The following EGFR variants were observed in gnomAD, a reference collection of about 807,000 sequenced individuals.
The protein encoded by EGFR is avian erythroblastic leukemia viral (v-erb-b) oncogene homolog.
A neutral mutation model predicts 143.0 loss-of-function variants in EGFR; 58 were observed. The ratio of observed to expected loss-of-function variants is 0.41; its 90% CI spans 0.33 to 0.50. The LOEUF is 0.50. EGFR is among the 20% of genes least tolerant of loss of function. The probability of loss-of-function intolerance (pLI) is 0.39; values close to 1 mark genes in which losing one functional copy is unlikely to be tolerated. For synonymous variants in EGFR, 613 were observed against 594.4 expected (o/e 1.03, Z -0.45); for missense variants, 1,307 against 1,579.0 (o/e 0.83, Z 2.92).
intron 20 of EGFR, among the ~76,000 whole-genome samples, chr7:55,188,182 C>A (rs548004566): frequency 6.6e-6 from 1 of 152,332 alleles, no homozygotes; most frequent in Non-Finnish European, 1.5e-5. Context: ...TCCACTCCAC[C>A]AGAACCACGC....
intron 1 of EGFR, among the ~76,000 whole-genome samples, chr7:55,136,274 A>G (rs562415233): frequency 2.0e-5 from 3 of 152,314 alleles, no homozygotes; most frequent in Admixed American, 6.5e-5. Context: ...AGAAAGCGGG[A>G]AAAAAATCCT....
intron 1 of EGFR, among the ~76,000 whole-genome samples, chr7:55,039,578 C>G (rs1314270398): frequency 6.6e-6 from 1 of 152,142 alleles, no homozygotes. Flanking sequence ...AGGGAGAGCT[C>G]CTCCATGGCT....
chr7:55,107,250 ATAG>A (rs1368215626), intron 1 of EGFR, among the ~76,000 whole-genome samples: 1 of 151,920 alleles, frequency 6.6e-6, no homozygotes, highest in Non-Finnish European at 1.5e-5. Flanking sequence ...TTTCTTCCTG[ATAG>A]TAGGTGTGTA....
Position 55,165,258 on chromosome 7 carries a change from A to G in EGFR, c.1723-22A>G, listed in dbSNP as rs1207430276. ...AGAAAAGAAAGAGACATGCATGAAC[A>G]TTTTTCTCCACCTTGGTGCAGGGAC... On this transcript the variant is annotated intron_variant, in intron 14 of 27. Transcript: ENST00000275493. 6 of 1,613,796 alleles carry G rather than the reference A, an allele frequency of 3.7e-6. No homozygotes were observed. In the East Asian group the frequency reaches 6.7e-5, roughly 18 times the overall value.
At chr7:55,114,433 C>A (rs1249377486) in intron 1 of EGFR, among the ~76,000 whole-genome samples, 1 of 152,106 alleles carries the variant, frequency 6.6e-6, no homozygotes, top group East Asian at 1.9e-4. Context: ...CTGCAGTGAG[C>A]TATAATTGCA....
intron 1 of EGFR, among the ~76,000 whole-genome samples, chr7:55,033,212 T>C (rs950425086): frequency 6.6e-6 from 1 of 152,186 alleles, no homozygotes; most frequent in Non-Finnish European, 1.5e-5. Flanking sequence ...TCTCTGTAAG[T>C]AGAAAAAGCA....
At chr7:55,191,497 A>G (rs1024932838) in intron 20 of EGFR, among the ~76,000 whole-genome samples, 3 of 152,200 alleles carry the variant, frequency 2.0e-5, no homozygotes, top group African/African-American at 7.2e-5. Context: ...TCTGGACTTA[A>G]AACTTGAGGA....
chr7:55,059,784 T>C (rs1789060490), intron 1 of EGFR, among the ~76,000 whole-genome samples: 1 of 152,170 alleles, frequency 6.6e-6, no homozygotes, highest in Non-Finnish European at 1.5e-5. Context: ...AATACTTGCA[T>C]GAATGCAGGA....
intron 1 of EGFR, among the ~76,000 whole-genome samples, chr7:55,141,557 GT>G (rs1794460710): frequency 6.6e-6 from 1 of 152,198 alleles, no homozygotes; most frequent in African/African-American, 2.4e-5. Context: ...CTAGCTGAGA[GT>G]GTTTTTAAAT....
chr7:55,172,428 CT>C (rs1434952950), intron 16 of EGFR, among the ~76,000 whole-genome samples: 1 of 152,156 alleles, frequency 6.6e-6, no homozygotes, highest in African/African-American at 2.4e-5. Context: ...CTTTCTATGT[CT>C]GAATCCTATT....
intron 1 of EGFR, among the ~76,000 whole-genome samples, chr7:55,103,775 C>T (rs79621318): frequency 0.039 from 5,913 of 152,274 alleles, 252 homozygotes; most frequent in East Asian, 0.19. Flanking sequence ...TCTTCCTTGT[C>T]ACATCCTTAT....
chr7:55,179,275 G>A (rs1432287380), intron 19 of EGFR, among the ~76,000 whole-genome samples: 1 of 152,246 alleles, frequency 6.6e-6, no homozygotes, highest in Non-Finnish European at 1.5e-5. Context: ...CAGAGGGTTT[G>A]TTCATATGGA....
Position 55,106,555 on chromosome 7 carries a change from C to G in EGFR, c.89-35731C>G, listed in dbSNP as rs1792143762. The stretch of plus-strand genomic sequence containing the variant: ...CTTCAGTTCTGTTTCCTTTACATAT[C>G]CCTCCAAAAATCAGGCCTGCACTGC... On this transcript the variant is annotated intron_variant, in intron 1 of 27. Coordinates refer to ENST00000275493, the MANE Select transcript of EGFR (RefSeq NM_005228.5). 2.0e-5 allele frequency among the ~76,000 whole-genome samples: 3 copies of G among 152,208 alleles called. No homozygotes were observed. The South Asian group carries it at 6.2e-4, about 32-fold the overall frequency.
intron 15 of EGFR, among the ~76,000 whole-genome samples, chr7:55,169,283 T>C (rs1013775136): frequency 2.0e-5 from 3 of 152,018 alleles, no homozygotes; most frequent in African/African-American, 7.2e-5. Context: ...GTATTTTTAG[T>C]ACAGACAGGG....
intron 19 of EGFR, among the ~76,000 whole-genome samples, chr7:55,176,903 C>A (rs1786619229): frequency 1.4e-5 from 2 of 143,918 alleles, no homozygotes; most frequent in African/African-American, 5.1e-5. Flanking sequence ...ATATATATCT[C>A]TAAATATATA....
At chr7:55,056,963 G>A (rs1788862076) in intron 1 of EGFR, among the ~76,000 whole-genome samples, 1 of 152,224 alleles carries the variant, frequency 6.6e-6, no homozygotes, top group Admixed American at 6.5e-5. Context: ...CAGCTTGTAA[G>A]GTGGAGTGCA....
intron 1 of EGFR, among the ~76,000 whole-genome samples, chr7:55,127,673 A>AC (rs1793609340): frequency 1.3e-5 from 2 of 151,950 alleles, no homozygotes; most frequent in African/African-American, 4.8e-5. Context: ...TGCCGCCAAC[A>AC]CCCCCCTTAT....
At chr7:55,182,752 C>T (rs907166866) in intron 20 of EGFR, among the ~76,000 whole-genome samples, 2 of 152,152 alleles carry the variant, frequency 1.3e-5, no homozygotes, top group African/African-American at 4.8e-5. Flanking sequence ...GGGGAGCGCT[C>T]ATGCTTCTCT....
intron 1 of EGFR, among the ~76,000 whole-genome samples, chr7:55,118,863 A>T (rs1179451858): frequency 6.6e-6 from 1 of 152,196 alleles, no homozygotes; most frequent in Admixed American, 6.5e-5. Flanking sequence ...TCTCAGTAGC[A>T]AACTCGTGGG....
Sources: gnomAD v4.1 joint callset for allele counts (sites outside exome capture counted in the v4.1 genomes callset) on GRCh38, gnomAD v4.1.1 for gene constraint, MANE v1.5 for transcripts, NCBI Gene and HGNC (gene_info 2026-07-23, HGNC 2026-07-21) for gene names.